Variants in TPO observed in about 807,000 individuals in gnomAD.
TPO encodes the protein thyroid peroxidase.
A neutral mutation model predicts 96.9 loss-of-function variants in TPO; 78 were observed. That is an observed-to-expected ratio of 0.81 (90% CI 0.67 to 0.97). The LOEUF (loss-of-function observed/expected upper bound fraction) is 0.97, where lower values mean the gene tolerates loss of function less well. Ranked by LOEUF, TPO falls within the 50% of genes least tolerant of loss-of-function variation. The probability of loss-of-function intolerance (pLI) is 0.00; values close to 1 mark genes in which losing one functional copy is unlikely to be tolerated. For missense variants in TPO, 1,252 were observed against 1,274.8 expected (o/e 0.98, Z 0.27); for synonymous variants, 547 against 538.0 (o/e 1.02, Z -0.23).
intron 5 of TPO, among the ~76,000 whole-genome samples, chr2:1,440,835 A>G (rs1666106728): frequency 3.3e-5 from 5 of 151,928 alleles, no homozygotes. Flanking sequence ...AGGAGGTACT[A>G]CGTTGGAAGC....
intron 15 of TPO, among the ~76,000 whole-genome samples, chr2:1,533,154 C>G (rs1276060236): frequency 4.5e-5 from 6 of 132,782 alleles, no homozygotes; most frequent in Non-Finnish European, 9.3e-5. Flanking sequence ...CCCAAATCCC[C>G]CCACTGTGAG....
At chr2:1,520,700 T>A (rs1675168807) in intron 15 of TPO, among the ~76,000 whole-genome samples, 1 of 152,250 alleles carries the variant, frequency 6.6e-6, no homozygotes, top group Non-Finnish European at 1.5e-5. Context: ...TTATGCTTGT[T>A]TTATTGCATT....
rs763358578 is a variant in TPO, at chr2:1,493,852, G to A, written c.1819G>A (p.Ala607Thr). Residue 607 changes from alanine to threonine, a missense_variant, in exon 11 of 17, where the codon GCT becomes ACT. Ala to Thr is a moderately conservative substitution (Grantham distance 58, BLOSUM62 0). Coordinates refer to ENST00000329066, the MANE Select transcript of TPO (RefSeq NM_001206744.2). ...FCGLPRLETP[A>T]DLSTAIASRS... is the part of the protein sequence containing the mutation. ...CGGCCTGCCTCGCCTGGAGACCCCC[G>A]CTGACCTGAGCACAGCCATCGCCAG... is the stretch of plus-strand genomic sequence containing the variant. The A allele has an allele frequency of 8.7e-6, 14 of 1,613,960 alleles. No homozygotes were observed. The highest frequency in any genetic ancestry group is 3.3e-4 in the Middle Eastern group (2 of 6,084).
chr2:1,402,249 T>C (rs1662183473), intron 1 of TPO, among the ~76,000 whole-genome samples: 1 of 152,148 alleles, frequency 6.6e-6, no homozygotes. Flanking sequence ...GCGGTCGGCA[T>C]CCACGGGAGG....
chr2:1,514,954 C>T (rs13405352), intron 14 of TPO, among the ~76,000 whole-genome samples: 27,646 of 152,082 alleles, frequency 0.18, 2,601 homozygotes, highest in African/African-American at 0.23. Flanking sequence ...GGACGTGGCT[C>T]CTCCTCTCAC....
chr2:1,459,156 CT>C (rs59812716), intron 7 of TPO, among the ~76,000 whole-genome samples: 47,287 of 147,140 alleles, frequency 0.32, 7,558 homozygotes, highest in Admixed American at 0.36. Context: ...GGGACATTTT[CT>C]TTTTTTTTTT....
Position 1,490,737 on chromosome 2 carries a change from A to C in TPO, c.1768+2746A>C, listed in dbSNP as rs543462370. 2.0e-5 allele frequency among the ~76,000 whole-genome samples: 3 copies of C among 152,306 alleles called. No individual in the cohort carries two copies. The South Asian group carries it at 6.2e-4, about 32-fold the overall frequency. ...CCTGGCAGAGGCTTCATTAGATCTG[A>C]TCAGTTCGATCTGAGGATAAATCAG... On this transcript the variant is annotated intron_variant, in intron 10 of 16. Coordinates refer to ENST00000329066, the MANE Select transcript of TPO (RefSeq NM_001206744.2).
intron 15 of TPO, among the ~76,000 whole-genome samples, chr2:1,537,202 C>T (rs1679934290): frequency 2.4e-5 from 3 of 122,654 alleles, no homozygotes; most frequent in African/African-American, 6.6e-5. Flanking sequence ...TCCCCAAATC[C>T]CCCCACTGTG....
chr2:1,435,184 T>C (rs959562464), intron 4 of TPO, among the ~76,000 whole-genome samples: 1 of 152,182 alleles, frequency 6.6e-6, no homozygotes, highest in African/African-American at 2.4e-5. Context: ...CCACCCTCTT[T>C]GGCCTCCCAA....
intron 8 of TPO, among the ~76,000 whole-genome samples, chr2:1,483,894 T>C (rs531738721): frequency 3.0e-4 from 46 of 152,348 alleles, no homozygotes; most frequent in Admixed American, 4.6e-4. Flanking sequence ...GTAAATAATA[T>C]TGGTTATTTT....
chr2:1,383,322 ACTAGTTTACAGT>A (rs1661838609), intron 1 of TPO, among the ~76,000 whole-genome samples: 1 of 152,218 alleles, frequency 6.6e-6, no homozygotes, highest in Admixed American at 6.5e-5. Context: ...CAATGGCTGA[ACTAGTTTACAGT>A]CCCATTAACA....
intron 10 of TPO, among the ~76,000 whole-genome samples, chr2:1,489,499 A>C (rs1169514643): frequency 1.3e-5 from 2 of 152,216 alleles, no homozygotes; most frequent in East Asian, 3.9e-4. Context: ...CACCAACTGA[A>C]ATATGGCCAA....
At chr2:1,521,446 T>C (rs1675249119) in intron 15 of TPO, among the ~76,000 whole-genome samples, 1 of 152,146 alleles carries the variant, frequency 6.6e-6, no homozygotes, top group Non-Finnish European at 1.5e-5. Context: ...CTGTAAGCCA[T>C]GGGTGACCGG....
At chr2:1,410,187 T>G (rs1662312080), upstream of TPO, among the ~76,000 whole-genome samples, 1 of 152,226 alleles carries the variant, frequency 6.6e-6, no homozygotes, top group African/African-American at 2.4e-5. Context: ...ATTAGCTTGA[T>G]TTAATCACCC....
chr2:1,530,341 C>T (rs1384842831), intron 15 of TPO, among the ~76,000 whole-genome samples: 1 of 142,900 alleles, frequency 7.0e-6, no homozygotes, highest in African/African-American at 2.6e-5. Context: ...CTCCTCAAAT[C>T]CCCCCAAGTG....
chr2:1,443,313 T>C (rs1312965355), intron 5 of TPO, among the ~76,000 whole-genome samples: 1 of 151,424 alleles, frequency 6.6e-6, no homozygotes, highest in Non-Finnish European at 1.5e-5. Context: ...AGGCTCCTTC[T>C]TGTTTGTATG....
intron 14 of TPO, among the ~76,000 whole-genome samples, chr2:1,515,482 G>A (rs185970041): frequency 9.4e-4 from 143 of 152,326 alleles, no homozygotes; most frequent in African/African-American, 3.3e-3. Flanking sequence ...GGACAGGATC[G>A]TTTTGGAGAA....
chr2:1,443,039 C>T (rs913304461), intron 5 of TPO, among the ~76,000 whole-genome samples: 4 of 152,186 alleles, frequency 2.6e-5, no homozygotes, highest in African/African-American at 9.6e-5. Context: ...AGCTCAAGAC[C>T]AGCCTGGGCA....
intron 2 of TPO, among the ~76,000 whole-genome samples, 162 bp downstream of exon 2, chr2:1,414,664 G>C (rs1237424243): frequency 6.6e-6 from 1 of 151,990 alleles, no homozygotes; most frequent in Non-Finnish European, 1.5e-5. Flanking sequence ...GATTTTAGAA[G>C]GATTGAAATA....
Sources: gnomAD v4.1 joint callset for allele counts (sites outside exome capture counted in the v4.1 genomes callset) on GRCh38, gnomAD v4.1.1 for gene constraint, MANE v1.5 for transcripts, NCBI Gene and HGNC (gene_info 2026-07-23, HGNC 2026-07-21) for gene names.